Variants in SORCS2 observed in about 807,000 individuals in gnomAD.
SORCS2 encodes VPS10 domain-containing receptor SorCS2.
A neutral mutation model predicts 141.6 loss-of-function variants in SORCS2; 100 were observed. The ratio of observed to expected loss-of-function variants is 0.71; its 90% confidence interval spans 0.60 to 0.83. The LOEUF is 0.83. Ranked by LOEUF, SORCS2 falls within the 40% of genes least tolerant of loss-of-function variation. The pLI, the probability that SORCS2 is intolerant of heterozygous loss-of-function variation, is 0.00. For missense variants in SORCS2, 1,646 were observed against 1,560.2 expected (o/e 1.05, Z -0.93); for synonymous variants, 789 against 676.9 (o/e 1.17, Z -2.57).
At chr4:7,433,994 C>T (rs6850206) in intron 2 of SORCS2, 288,650 of 1,613,286 alleles carry the variant, frequency 0.18, 26,996 homozygotes, top group Middle Eastern at 0.29. Context: ...TTCATGCACA[C>T]CTCACAGGTC....
chr4:7,587,821 G>T (rs146643415), intron 3 of SORCS2, among the ~76,000 whole-genome samples: 1 of 152,186 alleles, frequency 6.6e-6, no homozygotes, highest in South Asian at 2.1e-4. Context: ...CCACAGTCCT[G>T]GCCATGCCTC....
chr4:7,285,801 G>T (rs982950895), intron 1 of SORCS2, among the ~76,000 whole-genome samples: 1 of 152,256 alleles, frequency 6.6e-6, no homozygotes, highest in East Asian at 1.9e-4. Flanking sequence ...CTAAGTCCGA[G>T]GGTGCGGGAG....
intron 1 of SORCS2, among the ~76,000 whole-genome samples, chr4:7,210,366 C>T (rs558726839): frequency 1.2e-3 from 188 of 152,344 alleles, no homozygotes; most frequent in Non-Finnish European, 2.2e-3. Context: ...ACTGCAGCCT[C>T]CAACCCCTGG....
At chr4:7,319,714 T>C (rs1718780248) in intron 1 of SORCS2, among the ~76,000 whole-genome samples, 1 of 152,014 alleles carries the variant, frequency 6.6e-6, no homozygotes, top group Non-Finnish European at 1.5e-5. Flanking sequence ...ACCCCACCTC[T>C]AAAAAAACAA....
chr4:7,212,457 G>A (rs1728110108), intron 1 of SORCS2, among the ~76,000 whole-genome samples: 2 of 152,252 alleles, frequency 1.3e-5, no homozygotes, highest in South Asian at 4.1e-4. Flanking sequence ...CACAGAACCA[G>A]AATGTCCAGG....
intron 2 of SORCS2, among the ~76,000 whole-genome samples, chr4:7,472,415 A>G (rs1730033136): frequency 6.6e-6 from 1 of 152,144 alleles, no homozygotes; most frequent in Non-Finnish European, 1.5e-5. Flanking sequence ...CAGGGGGATG[A>G]GGGGATGGCG....
At chr4:7,385,669 A>G (rs1462308082) in intron 1 of SORCS2, among the ~76,000 whole-genome samples, 1 of 152,118 alleles carries the variant, frequency 6.6e-6, no homozygotes, top group Non-Finnish European at 1.5e-5. Flanking sequence ...CCCTCCTGAG[A>G]GGTGGGCAGC....
chr4:7,423,462 G>A (rs968576812), intron 2 of SORCS2, among the ~76,000 whole-genome samples: 1 of 152,062 alleles, frequency 6.6e-6, no homozygotes, highest in African/African-American at 2.4e-5. Flanking sequence ...TGTCACCCAG[G>A]CTGGAGTGCA....
chr4:7,392,934 C>T (rs1043762779), intron 1 of SORCS2, among the ~76,000 whole-genome samples: 14 of 150,490 alleles, frequency 9.3e-5, no homozygotes, highest in African/African-American at 3.2e-4. Context: ...GTGGATGAGT[C>T]GATGCTTGTC....
intron 2 of SORCS2, among the ~76,000 whole-genome samples, chr4:7,491,743 C>T (rs1731327392): frequency 6.6e-6 from 1 of 152,316 alleles, no homozygotes; most frequent in East Asian, 1.9e-4. Context: ...AGCCCACCCA[C>T]CCCCCGTTAA....
At chr4:7,477,557 G>T (rs1730380431) in intron 2 of SORCS2, among the ~76,000 whole-genome samples, 1 of 152,056 alleles carries the variant, frequency 6.6e-6, no homozygotes, top group South Asian at 2.1e-4. Flanking sequence ...AGTTGGATTG[G>T]CTAAGAGCTC....
At chr4:7,695,940 GTGGATGGATGGATGGA>G (rs779120222) in intron 11 of SORCS2, among the ~76,000 whole-genome samples, 1 of 88,526 alleles carries the variant, frequency 1.1e-5, no homozygotes, top group Non-Finnish European at 2.4e-5. Flanking sequence ...GGGTGGGTGG[GTGGATGGATGGATGGA>G]TGGATGGATG....
At chr4:7,675,802 A>T (rs1447609455) in intron 8 of SORCS2, among the ~76,000 whole-genome samples, 2 of 152,086 alleles carry the variant, frequency 1.3e-5, no homozygotes, top group African/African-American at 2.4e-5. Flanking sequence ...CCCTCCCATA[A>T]CCCGGCGTAG....
chr4:7,304,039 G>T (rs550145673), intron 1 of SORCS2, among the ~76,000 whole-genome samples: 2 of 152,252 alleles, frequency 1.3e-5, no homozygotes, highest in Non-Finnish European at 2.9e-5. Flanking sequence ...ATGGAAACCC[G>T]ATGTGGAGTT....
chr4:7,562,611 C>T (rs1714680584), intron 3 of SORCS2, among the ~76,000 whole-genome samples: 1 of 152,194 alleles, frequency 6.6e-6, no homozygotes, highest in Non-Finnish European at 1.5e-5. Context: ...CAACCTGCAT[C>T]TGTGTCCCAT....
At chr4:7,305,450 A>G (rs1286079477) in intron 1 of SORCS2, among the ~76,000 whole-genome samples, 1 of 151,250 alleles carries the variant, frequency 6.6e-6, no homozygotes, top group Non-Finnish European at 1.5e-5. Context: ...AAGTGGAGAC[A>G]TGGCGTGGCC....
At chr4:7,291,590 G>A (rs943926615) in intron 1 of SORCS2, among the ~76,000 whole-genome samples, 7 of 152,164 alleles carry the variant, frequency 4.6e-5, no homozygotes. Flanking sequence ...ATGCCTCAGC[G>A]TGAGCGTCAG....
chr4:7,436,542 A>G (rs1477718812), intron 2 of SORCS2, among the ~76,000 whole-genome samples: 1 of 152,244 alleles, frequency 6.6e-6, no homozygotes. Context: ...TGTCCTCCTC[A>G]TCCTGACATC....
At chr4:7,723,065 T>G (rs2148873802) in intron 18 of SORCS2, among the ~76,000 whole-genome samples, 1 of 152,184 alleles carries the variant, frequency 6.6e-6, no homozygotes, top group South Asian at 2.1e-4. Flanking sequence ...ATGCGGTTAT[T>G]GGAAGGTGGA....
Sources: allele counts gnomAD v4.1 joint callset (sites outside exome capture counted in the v4.1 genomes callset), GRCh38; gene constraint gnomAD v4.1.1; transcripts MANE v1.5; gene names NCBI Gene and HGNC (gene_info 2026-07-23, HGNC 2026-07-21).